The following RNF13 variants were observed in gnomAD, a reference collection of about 807,000 sequenced individuals.
RNF13 encodes the protein E3 ubiquitin-protein ligase RNF13.
RNF13 carries 19 observed loss-of-function variants against 37.7 expected under a neutral mutation model. The observed-to-expected ratio is 0.50, with a 90% CI of 0.35 to 0.74. RNF13 has a LOEUF of 0.74. RNF13 is among the 30% of genes least tolerant of loss of function. The probability of loss-of-function intolerance (pLI) is 0.01; values close to 1 mark genes in which losing one functional copy is unlikely to be tolerated. For missense variants in RNF13, 375 were observed against 453.0 expected (o/e 0.83, Z 1.56); for synonymous variants, 144 against 157.8 (o/e 0.91, Z 0.65).
chr3:149,922,067 A>AG (rs986493216), intron 8 of RNF13, among the ~76,000 whole-genome samples: 1 of 151,642 alleles, frequency 6.6e-6, no homozygotes, highest in African/African-American at 2.4e-5. Flanking sequence ...TCCGCCCCCC[A>AG]GGTTCAAGAG....
intron 3 of RNF13, among the ~76,000 whole-genome samples, chr3:149,859,070 C>T (rs1310562594): frequency 1.3e-5 from 2 of 152,162 alleles, no homozygotes; most frequent in Non-Finnish European, 2.9e-5. Context: ...TTTTTCCTCT[C>T]AGAACACTTA....
chr3:149,912,206 A>G (rs1404272850), intron 7 of RNF13, 123 bp downstream of exon 7: 1 of 519,390 alleles, frequency 1.9e-6, no homozygotes, highest in African/African-American at 1.9e-5. Flanking sequence ...AAATTCATTT[A>G]TGTGAAGTTC....
chr3:149,932,452 A>T (rs1719254830), intron 8 of RNF13, among the ~76,000 whole-genome samples: 1 of 152,196 alleles, frequency 6.6e-6, no homozygotes, highest in African/African-American at 2.4e-5. Context: ...TCTGAGACTC[A>T]AGACACATTT....
intron 1 of RNF13, among the ~76,000 whole-genome samples, chr3:149,822,344 C>A (rs1720064100): frequency 6.6e-6 from 1 of 151,988 alleles, no homozygotes; most frequent in South Asian, 2.1e-4. Context: ...TCTCTCACCT[C>A]CTTTGTTATA....
intron 7 of RNF13, among the ~76,000 whole-genome samples, chr3:149,913,766 C>T (rs1403516911): frequency 6.6e-6 from 1 of 152,172 alleles, no homozygotes; most frequent in Non-Finnish European, 1.5e-5. Flanking sequence ...AAGTGCCCTT[C>T]TCATCACATC....
intron 2 of RNF13, among the ~76,000 whole-genome samples, chr3:149,847,539 A>G (rs929268085): frequency 1.3e-5 from 2 of 152,000 alleles, no homozygotes; most frequent in Admixed American, 6.6e-5. Flanking sequence ...GATGCTAGTA[A>G]TCCATACGAG....
At chr3:149,936,495 T>G (rs1373260039) in intron 8 of RNF13, among the ~76,000 whole-genome samples, 2 of 152,080 alleles carry the variant, frequency 1.3e-5, no homozygotes, top group Admixed American at 6.6e-5. Flanking sequence ...TCTGCTTGAT[T>G]AGTTCTGTCA....
At chr3:149,908,732 G>T (rs1186161767) in intron 6 of RNF13, among the ~76,000 whole-genome samples, 2 of 152,174 alleles carry the variant, frequency 1.3e-5, no homozygotes, top group African/African-American at 4.8e-5. Context: ...CTGCTGTGTG[G>T]CTGTAAATCC....
At chr3:149,885,812 A>G (rs905383385) in intron 4 of RNF13, among the ~76,000 whole-genome samples, 5 of 152,140 alleles carry the variant, frequency 3.3e-5, no homozygotes, top group African/African-American at 9.7e-5. Flanking sequence ...TGCCCAGACA[A>G]ATGTCCTGGA....
chr3:149,958,826 T>C lies in RNF13; in HGVS notation c.701-1230T>C, dbSNP rs571268389. On this transcript the variant is annotated intron_variant, in intron 8 of 9. Transcript: ENST00000392894. ...CACACAAGATTCTAACACATGTACA[T>C]ATGCATTTGTTACAGAATGTAATTT... Among the ~76,000 whole-genome samples the C allele has an allele frequency of 7.2e-5, 11 of 152,306 alleles. No homozygotes were observed. The South Asian group carries it at 1.0e-3, about 14-fold the overall frequency.
intron 7 of RNF13, among the ~76,000 whole-genome samples, chr3:149,912,799 A>G (rs1717126039): frequency 6.6e-6 from 1 of 152,160 alleles, no homozygotes; most frequent in Non-Finnish European, 1.5e-5. Flanking sequence ...TTACAAGACT[A>G]TTAGTAGGTC....
At chr3:149,827,536 A>C (rs901205890) in intron 1 of RNF13, among the ~76,000 whole-genome samples, 2 of 152,206 alleles carry the variant, frequency 1.3e-5, no homozygotes. Context: ...TTAAACACCT[A>C]ATACATTATA....
chr3:149,910,609 G>A (rs571618362), intron 6 of RNF13, among the ~76,000 whole-genome samples: 1 of 152,312 alleles, frequency 6.6e-6, no homozygotes, highest in East Asian at 1.9e-4. Context: ...TATGAGGAAA[G>A]GAGTAAATCT....
At position 149,937,925 on chromosome 3, in the gene RNF13, T is replaced by C. The variant is rs1396445181; in HGVS notation, c.700+16698T>C. Among the ~76,000 whole-genome samples the C allele has an allele frequency of 5.3e-5, 8 of 152,154 alleles. No individual in the cohort carries two copies. In the East Asian group the frequency reaches 1.4e-3, roughly 26 times the overall value. ...TTTCTTGTTGGATGATGAAGTAGTGTGTATATCAATTAAATCCAGTTGACT... is the reference window on the plus strand; with the variant it reads ...TTTCTTGTTGGATGATGAAGTAGTGCGTATATCAATTAAATCCAGTTGACT... On this transcript the variant is annotated intron_variant, in intron 8 of 9. Coordinates refer to ENST00000392894, the MANE Select transcript of RNF13 (RefSeq NM_183381.3).
rs377547629 is a variant in RNF13 at position 149,919,073 on chromosome 3, C to T, written c.607-2061C>T. On this transcript the variant is annotated intron_variant, in intron 7 of 9. Transcript: ENST00000392894. ...AATTTGCAATAATAACTTTTACTTT[C>T]TTTTTCCTATTGATATGAACATTTG... Among the ~76,000 whole-genome samples, 74 of 152,086 alleles carry T rather than the reference C, an allele frequency of 4.9e-4. 1 individual carries two copies. The East Asian group carries it at 8.5e-3, about 17-fold the overall frequency.
chr3:149,945,337 C>G (rs187084448), intron 8 of RNF13, among the ~76,000 whole-genome samples: 3 of 152,008 alleles, frequency 2.0e-5, no homozygotes, highest in African/African-American at 4.8e-5. Flanking sequence ...AGTCTGAGAT[C>G]GAACTGCAAG....
intron 4 of RNF13, among the ~76,000 whole-genome samples, chr3:149,874,125 G>T (rs1712414028): frequency 6.6e-6 from 1 of 152,042 alleles, no homozygotes; most frequent in South Asian, 2.1e-4. Context: ...TATGAATAAG[G>T]GTCTAGTCTG....
intron 4 of RNF13, among the ~76,000 whole-genome samples, chr3:149,887,449 T>A (rs1445032834): frequency 6.6e-6 from 1 of 152,130 alleles, no homozygotes; most frequent in African/African-American, 2.4e-5. Context: ...TACAGGCATG[T>A]GCCATCACAC....
chr3:149,939,875 G>A (rs570768376), intron 8 of RNF13: 29 of 424,838 alleles, frequency 6.8e-5, no homozygotes, highest in African/African-American at 5.1e-4. Flanking sequence ...CAGCCGCGCA[G>A]GATGGAATCA....
Sources: gnomAD v4.1 joint callset for allele counts (sites outside exome capture counted in the v4.1 genomes callset) on GRCh38, gnomAD v4.1.1 for gene constraint, MANE v1.5 for transcripts, NCBI Gene and HGNC (gene_info 2026-07-23, HGNC 2026-07-21) for gene names.